SLC36A1: variants seen among roughly 807,000 people sequenced by gnomAD.
SLC36A1 encodes the protein solute carrier family 36 member 1, also known as proton-coupled amino acid transporter 1.
SLC36A1 carries 30 observed loss-of-function variants against 47.5 expected under a neutral mutation model. The ratio of observed to expected loss-of-function variants is 0.63; its 90% confidence interval spans 0.47 to 0.86. The LOEUF (loss-of-function observed/expected upper bound fraction) is 0.86, where lower values mean the gene tolerates loss of function less well. Ranked by LOEUF, SLC36A1 falls within the 40% of genes least tolerant of loss-of-function variation. SLC36A1 has a pLI of 0.00. For missense variants in SLC36A1, 517 were observed against 606.0 expected, an observed-to-expected ratio of 0.85 and a Z score of 1.54; for synonymous variants, 255 against 249.7, an observed-to-expected ratio of 1.02 and a Z score of -0.20.
In SLC36A1 at chr5:151,489,266, G is replaced by A. The variant is rs1298655396; in HGVS notation, c.*1012G>A. ...CGAGGGAAGGGTGGCTGAGTGAGAG[G>A]CGTATAAAATGGGGCTGTGTGCATG... On this transcript the variant is annotated 3_prime_UTR_variant, in exon 11 of 11. Coordinates refer to ENST00000243389, the MANE Select transcript of SLC36A1 (RefSeq NM_078483.4). The surrounding 1 kb of genome is among the most constrained non-coding windows in gnomAD (Gnocchi z 4.5). The A allele has an allele frequency of 2.0e-5, 3 of 152,582 alleles. No individual in the cohort carries two copies. Among genetic ancestry groups the A allele is most frequent in the Non-Finnish European group, 2.9e-5 (2 of 68,068 alleles). The allele number at this position is 152,582 out of a possible 1,614,324, so 9.5% of individuals were successfully genotyped here. A position where few individuals can be genotyped will look rare whatever the true frequency, so the allele number is the denominator to read the frequency against.
the SLC36A1 span, chr5:151,505,502 C>T: frequency 1.9e-6 from 3 of 1,597,726 alleles, no homozygotes; most frequent in South Asian, 2.2e-5. Flanking sequence ...CCCTACGAGA[C>T]AGGAAGAAAT....
At chr5:151,441,217 T>C (rs1581023513) in intron 1 of SLC36A1, among the ~76,000 whole-genome samples, 1 of 152,174 alleles carries the variant, frequency 6.6e-6, no homozygotes, top group Admixed American at 6.6e-5. Context: ...GGGAGATCAC[T>C]TGAGCCCAGG....
At chr5:151,493,708 T>G (rs165327), downstream of SLC36A1, among the ~76,000 whole-genome samples, 25,994 of 152,132 alleles carry the variant, frequency 0.17, 2,326 homozygotes, top group Non-Finnish European at 0.21. Flanking sequence ...CAACTAGTAG[T>G]TAGCAGCATT....
chr5:151,505,801 T>C, the SLC36A1 span: 2 of 1,613,918 alleles, frequency 1.2e-6, no homozygotes, highest in Non-Finnish European at 1.7e-6. Context: ...CTGATGGCCG[T>C]GTACTCATTG....
chr5:151,476,836 T>A, intron 9 of SLC36A1, 80 bp downstream of exon 9: 2 of 1,531,526 alleles, frequency 1.3e-6, no homozygotes, highest in Non-Finnish European at 8.9e-7. Flanking sequence ...TTCTCCCTCT[T>A]ACTTATCTCT....
the SLC36A1 span, chr5:151,381,008 G>A: frequency 2.5e-6 from 1 of 392,778 alleles, no homozygotes; most frequent in Non-Finnish European, 5.1e-6. Context: ...CAGGCTGACA[G>A]ACTATGCTCT....
chr5:151,467,923 C>A lies in SLC36A1; in HGVS notation c.721C>A (p.Gln241Lys), dbSNP rs771458520. 1.2e-6 allele frequency: 2 copies of A among 1,612,932 alleles called. No homozygotes were observed. Among genetic ancestry groups the A allele is most frequent in the South Asian group, 2.2e-5 (2 of 91,022 alleles). ...SLVMIYQFIV[Q>K]RIPDPSHLPL... ...GGTCATGATCTACCAGTTCATTGTT[C>A]AGGTACATGCCTAGGCCCTCTCCTA... Residue 241 changes from glutamine (Q) to lysine (K), a missense_variant and splice_region_variant, in exon 7 of 11, where the codon CAG (glutamine) becomes AAG (lysine). Transcript: ENST00000243389.
the SLC36A1 span, among the ~76,000 whole-genome samples, chr5:151,385,009 AGTGTGT>A: frequency 4.6e-3 from 592 of 128,518 alleles, 7 homozygotes; most frequent in African/African-American, 0.02. Context: ...AGAGAGAGAG[AGTGTGT>A]GTGTGTGTGT....
the SLC36A1 span, chr5:151,377,937 G>A: frequency 6.2e-6 from 1 of 160,136 alleles, no homozygotes. Flanking sequence ...TTTATAAGTG[G>A]CATACCGTTG....
At chr5:151,414,143 A>C in the SLC36A1 span, among the ~76,000 whole-genome samples, 5 of 152,344 alleles carry the variant, frequency 3.3e-5, no homozygotes, top group African/African-American at 1.2e-4. Flanking sequence ...AAAACTATAA[A>C]TATATTTAAA....
chr5:151,539,090 G>T, the SLC36A1 span, among the ~76,000 whole-genome samples: 1 of 152,090 alleles, frequency 6.6e-6, no homozygotes, highest in South Asian at 2.1e-4. Flanking sequence ...GCATGGGGAG[G>T]ACAGAAGTTG....
chr5:151,373,155 G>A, the SLC36A1 span, among the ~76,000 whole-genome samples: 4 of 151,998 alleles, frequency 2.6e-5, no homozygotes, highest in African/African-American at 4.8e-5. Flanking sequence ...GTTCAGAGCC[G>A]AGTGCAGTGG....
At chr5:151,363,680 A>G in the SLC36A1 span, among the ~76,000 whole-genome samples, 1 of 152,196 alleles carries the variant, frequency 6.6e-6, no homozygotes, top group Admixed American at 6.5e-5. Flanking sequence ...TATAGTATAT[A>G]TTAAACAATT....
the SLC36A1 span, chr5:151,527,953 C>T: frequency 2.5e-6 from 4 of 1,600,778 alleles, no homozygotes; most frequent in Non-Finnish European, 3.4e-6. Flanking sequence ...GACTGTGTCT[C>T]TGCTCTAATG....
At chr5:151,377,417 C>T in the SLC36A1 span, among the ~76,000 whole-genome samples, 6 of 143,442 alleles carry the variant, frequency 4.2e-5, no homozygotes, top group African/African-American at 1.6e-4. Flanking sequence ...GGCGCGATCT[C>T]GACTCACTGC....
At chr5:151,546,396 T>C in the SLC36A1 span, 1 of 1,332,158 alleles carries the variant, frequency 7.5e-7, no homozygotes, top group Non-Finnish European at 1.0e-6. Context: ...TCAGCTAGGC[T>C]TTCTAGATCA....
chr5:151,555,036 T>C, the SLC36A1 span, among the ~76,000 whole-genome samples: 1,434 of 152,256 alleles, frequency 9.4e-3, 19 homozygotes, highest in African/African-American at 0.033. Context: ...TTAGAGAAAA[T>C]AAATGAGAAA....
At chr5:151,375,695 T>C in the SLC36A1 span, among the ~76,000 whole-genome samples, 2 of 152,146 alleles carry the variant, frequency 1.3e-5, no homozygotes, top group Non-Finnish European at 2.9e-5. Flanking sequence ...GTTTTCCTTG[T>C]AGAGATCTTT....
At chr5:151,546,409 A>T in the SLC36A1 span, 16 of 1,188,018 alleles carry the variant, frequency 1.3e-5, no homozygotes, top group Admixed American at 4.3e-5. Context: ...CTAGATCAGT[A>T]AAGGGTCTAT....
Sources: allele counts gnomAD v4.1 joint callset (sites outside exome capture counted in the v4.1 genomes callset), GRCh38; gene constraint gnomAD v4.1.1; non-coding constraint Gnocchi (gnomAD v3.1); transcripts MANE v1.5; gene names NCBI Gene and HGNC (gene_info 2026-07-23, HGNC 2026-07-21).